The following ASPRV1 variants were observed in gnomAD, a reference collection of about 807,000 sequenced individuals.
ASPRV1 encodes aspartic peptidase retroviral like 1, also known as retroviral-like aspartic protease 1.
Under a neutral mutation model 11.0 loss-of-function variants are expected in ASPRV1, and 7 were observed. That is an observed-to-expected ratio of 0.64 (90% CI 0.36 to 1.20). ASPRV1 has a LOEUF of 1.20. Among genes scored for constraint, ASPRV1 ranks in the 50% most tolerant of loss-of-function variants. The pLI, the probability that ASPRV1 is intolerant of heterozygous loss-of-function variation, is 0.02. For missense variants in ASPRV1, 299 were observed against 320.0 expected (o/e 0.93, Z 0.50); for synonymous variants, 136 against 138.4 (o/e 0.98, Z 0.12).
the ASPRV1 span, chr2:69,941,404 C>T: frequency 6.6e-6 from 1 of 152,180 alleles, no homozygotes; most frequent in African/African-American, 2.4e-5. Flanking sequence ...ACTGCTGGCT[C>T]CTTTCTGTAG....
chr2:69,991,393 C>T, the ASPRV1 span, among the ~76,000 whole-genome samples: 1 of 152,148 alleles, frequency 6.6e-6, no homozygotes, highest in African/African-American at 2.4e-5. Context: ...TTAGTGAACC[C>T]AAATATAAAA....
chr2:69,966,652 G>A, the ASPRV1 span, among the ~76,000 whole-genome samples: 3 of 152,182 alleles, frequency 2.0e-5, no homozygotes, highest in Non-Finnish European at 4.4e-5. Flanking sequence ...GGCTTCTAAT[G>A]ACACCAGGAA....
At chr2:69,961,886 T>C (rs1380884625), upstream of ASPRV1, 1 of 539,744 alleles carries the variant, frequency 1.9e-6, no homozygotes, top group South Asian at 3.8e-5. Flanking sequence ...GAATAACAGA[T>C]GAGGACACGG....
At chr2:69,958,986 G>A (rs1233404506), downstream of ASPRV1, among the ~76,000 whole-genome samples, 3 of 152,136 alleles carry the variant, frequency 2.0e-5, no homozygotes, top group Admixed American at 6.5e-5. Flanking sequence ...AAGGGGCCTC[G>A]GTAAACCCCG....
the ASPRV1 span, among the ~76,000 whole-genome samples, chr2:70,083,172 A>T: frequency 6.6e-6 from 1 of 152,294 alleles, no homozygotes; most frequent in Admixed American, 6.5e-5. Context: ...GTTTAAGGTA[A>T]AGCTATCCCA....
the ASPRV1 span, among the ~76,000 whole-genome samples, chr2:69,992,504 C>T: frequency 3.9e-5 from 6 of 152,386 alleles, no homozygotes; most frequent in South Asian, 6.2e-4. Context: ...CCCTTCCTCC[C>T]TGTTAAAATC....
chr2:70,029,843 T>C, the ASPRV1 span, among the ~76,000 whole-genome samples: 1 of 152,088 alleles, frequency 6.6e-6, no homozygotes, highest in African/African-American at 2.4e-5. Context: ...TACAGGTCCT[T>C]GGGCCACAAA....
At chr2:69,936,250 ATC>A in the ASPRV1 span, among the ~76,000 whole-genome samples, 1 of 152,076 alleles carries the variant, frequency 6.6e-6, no homozygotes, top group Non-Finnish European at 1.5e-5. Context: ...ATCACTGGGT[ATC>A]TCTTAGCCCT....
At chr2:69,954,452 G>A in the ASPRV1 span, among the ~76,000 whole-genome samples, 3 of 152,184 alleles carry the variant, frequency 2.0e-5, no homozygotes, top group Admixed American at 6.5e-5. Context: ...GGTGGTGGTT[G>A]TTTCCTCCAA....
chr2:69,951,087 A>C, the ASPRV1 span, among the ~76,000 whole-genome samples: 1 of 152,060 alleles, frequency 6.6e-6, no homozygotes, highest in Non-Finnish European at 1.5e-5. Context: ...GTTTGACCTA[A>C]GCAGGGTAAG....
chr2:69,975,505 T>G, the ASPRV1 span: 1 of 152,260 alleles, frequency 6.6e-6, no homozygotes, highest in Non-Finnish European at 1.5e-5. Flanking sequence ...AGGAAAAGAC[T>G]GTAGCAAGTA....
the ASPRV1 span, among the ~76,000 whole-genome samples, chr2:70,074,108 C>T: frequency 5.5e-5 from 6 of 109,102 alleles, no homozygotes; most frequent in Non-Finnish European, 8.5e-5. Flanking sequence ...CACTCCAGCC[C>T]GGGCGACAGA....
the ASPRV1 span, among the ~76,000 whole-genome samples, chr2:70,042,774 G>T: frequency 1.3e-5 from 2 of 152,170 alleles, no homozygotes; most frequent in Non-Finnish European, 1.5e-5. Context: ...CATTAAGGTA[G>T]GGGGTACAGA....
chr2:69,957,333 T>C (rs191771633), downstream of ASPRV1, among the ~76,000 whole-genome samples: 2 of 152,174 alleles, frequency 1.3e-5, no homozygotes, highest in Admixed American at 6.5e-5. Flanking sequence ...TGAAGTTAAT[T>C]GGAAAAATGC....
At chr2:69,965,538 G>A (rs544366555), upstream of ASPRV1, among the ~76,000 whole-genome samples, 1 of 152,208 alleles carries the variant, frequency 6.6e-6, no homozygotes, top group South Asian at 2.1e-4. Flanking sequence ...CATTCAAAGC[G>A]GGCAGGACAC....
chr2:69,987,474 G>A, the ASPRV1 span, among the ~76,000 whole-genome samples: 1 of 151,604 alleles, frequency 6.6e-6, no homozygotes, highest in African/African-American at 2.4e-5. Context: ...AGTTCGGGGT[G>A]GTGGCTCACA....
At chr2:70,062,423 T>C in the ASPRV1 span, among the ~76,000 whole-genome samples, 1 of 152,204 alleles carries the variant, frequency 6.6e-6, no homozygotes, top group Non-Finnish European at 1.5e-5. Flanking sequence ...TTAGAGTATC[T>C]AGCAGTTGAT....
chr2:70,048,107 C>CA, the ASPRV1 span, among the ~76,000 whole-genome samples: 3,316 of 31,834 alleles, frequency 0.1, 252 homozygotes, highest in African/African-American at 0.14. Context: ...GACTCCATCT[C>CA]AAAAAAAAAA....
chr2:69,985,613 A>G, the ASPRV1 span, among the ~76,000 whole-genome samples: 1 of 152,220 alleles, frequency 6.6e-6, no homozygotes, highest in Admixed American at 6.5e-5. Flanking sequence ...GGGCTGAGAT[A>G]TAGAACTAGT....
Sources: gnomAD v4.1 joint callset for allele counts (sites outside exome capture counted in the v4.1 genomes callset) on GRCh38, gnomAD v4.1.1 for gene constraint, MANE v1.5 for transcripts, NCBI Gene and HGNC (gene_info 2026-07-23, HGNC 2026-07-21) for gene names.